CCZ1B: variants seen among roughly 807,000 people sequenced by gnomAD.
CCZ1B encodes the protein vacuolar fusion protein CCZ1 homolog B.
A neutral mutation model predicts 58.8 loss-of-function variants in CCZ1B; 25 were observed. That is an observed-to-expected ratio of 0.43 (90% CI 0.31 to 0.59). The LOEUF (loss-of-function observed/expected upper bound fraction) is 0.59. CCZ1B is among the 20% of genes least tolerant of loss of function. The pLI is 0.12. For synonymous variants in CCZ1B, 66 were observed against 173.2 expected, an observed-to-expected ratio of 0.38 and a Z score of 4.86; for missense variants, 180 against 501.5, an observed-to-expected ratio of 0.36 and a Z score of 6.12.
intron 7 of CCZ1B, among the ~76,000 whole-genome samples, chr7:6,818,886 T>C (rs1783062865): frequency 1.3e-5 from 2 of 148,600 alleles, no homozygotes; most frequent in African/African-American, 2.6e-5. Context: ...GGCAGTCTTG[T>C]GCCCACGTTG....
Position 6,824,467 on chromosome 7 carries a change from G to A in CCZ1B, c.300C>T (p.Phe100=). The A allele has an allele frequency of 6.2e-7, 1 of 1,605,728 alleles. No individual in the cohort carries two copies. The highest frequency in any genetic ancestry group is 1.1e-5 in the South Asian group (1 of 90,464). ...TGTGTGTAAATACCATGACCATCCA[G>A]AAATTTTCTTCTGGTTCATTGAAGA... is the stretch of plus-strand genomic sequence containing the variant. ...RQFFNEPEEN[F]WMVMVVRNPI... The change falls in exon 3 of 15, where the codon TTC becomes TTT. Residue 100 remains phenylalanine, a synonymous_variant. Coordinates refer to ENST00000316731, the MANE Select transcript of CCZ1B (RefSeq NM_198097.5).
chr7:6,819,123 G>GA (rs1173368085), intron 7 of CCZ1B, among the ~76,000 whole-genome samples: 3,419 of 65,526 alleles, frequency 0.052, 203 homozygotes, highest in African/African-American at 0.11. Flanking sequence ...ATCTCTATAA[G>GA]AAAAAAAAAA....
At chr7:6,819,240 CTTTTT>C (rs200393243) in intron 7 of CCZ1B, among the ~76,000 whole-genome samples, 1 of 133,154 alleles carries the variant, frequency 7.5e-6, no homozygotes, top group Non-Finnish European at 1.6e-5. Flanking sequence ...TAGGAACATT[CTTTTT>C]TTTTTTTTGG....
intron 6 of CCZ1B, among the ~76,000 whole-genome samples, chr7:6,821,569 G>A (rs148939857): frequency 1.3e-5 from 2 of 152,144 alleles, no homozygotes; most frequent in East Asian, 1.9e-4. Context: ...ATTTTCAGAA[G>A]AAAATAAATT....
intron 7 of CCZ1B, among the ~76,000 whole-genome samples, chr7:6,815,785 GA>G (rs1782990697): frequency 6.7e-6 from 1 of 148,934 alleles, no homozygotes; most frequent in Admixed American, 6.7e-5. Context: ...CAAGGGATTG[GA>G]CTCGCTGGTT....
intron 11 of CCZ1B, chr7:6,805,539 CA>C: frequency 8.3e-6 from 1 of 120,552 alleles, no homozygotes; most frequent in South Asian, 2.9e-4. Context: ...GTTAAGGAGA[CA>C]GGGGGGTCCC....
At chr7:6,812,577 TA>T (rs1782934041) in intron 9 of CCZ1B, 1 of 289,716 alleles carries the variant, frequency 3.5e-6, no homozygotes, top group Admixed American at 5.0e-5. Context: ...CTTTGTTGAT[TA>T]CTGTCAATCA....
chr7:6,817,686 C>G (rs2711246), intron 7 of CCZ1B, among the ~76,000 whole-genome samples: 1 of 147,688 alleles, frequency 6.8e-6, no homozygotes, highest in East Asian at 1.9e-4. Context: ...GTCAGTACAG[C>G]GTAAGGTTGC....
At chr7:6,815,490 A>T (rs1206123170) in intron 7 of CCZ1B, among the ~76,000 whole-genome samples, 1 of 147,890 alleles carries the variant, frequency 6.8e-6, no homozygotes, top group Non-Finnish European at 1.5e-5. Flanking sequence ...TCAAGAGATG[A>T]GTCTCGTCTG....
Position 6,804,277 on chromosome 7 carries a change from G to A in CCZ1B, c.1106+661C>T, listed in dbSNP as rs1183262000. On this transcript the variant is annotated intron_variant, in intron 12 of 14. Coordinates refer to ENST00000316731, the MANE Select transcript of CCZ1B (RefSeq NM_198097.5). Reference sequence around the variant, plus strand: ...GTCTCTACTAAAAATACAAAAAGGAGCCGGGCATGGTGGTGCACGCCTGTA... The same window carrying A: ...GTCTCTACTAAAAATACAAAAAGGAACCGGGCATGGTGGTGCACGCCTGTA... Among the ~76,000 whole-genome samples the A allele has an allele frequency of 8.9e-5, 11 of 123,006 alleles. 1 individual carries two copies. Among genetic ancestry groups the A allele is most frequent in the African/African-American group, 3.5e-4 (11 of 31,680 alleles). 80.7% of individuals were successfully genotyped at this position (123,006 alleles called of 152,430 possible).
chr7:6,821,474 A>C (rs1263132435), intron 6 of CCZ1B, among the ~76,000 whole-genome samples: 1 of 152,304 alleles, frequency 6.6e-6, no homozygotes, highest in Non-Finnish European at 1.5e-5. Flanking sequence ...ACAACAAAGA[A>C]AAGTAATTCA....
rs775188756 is a variant in CCZ1B, at chr7:6,822,262, T to C, written c.522+19A>G. 7.7e-6 allele frequency: 12 copies of C among 1,565,978 alleles called. No individual in the cohort carries two copies. The highest frequency in any genetic ancestry group is 8.6e-6 in the Non-Finnish European group (10 of 1,162,376). On this transcript the variant is annotated intron_variant, in intron 6 of 14. Coordinates refer to ENST00000316731, the MANE Select transcript of CCZ1B (RefSeq NM_198097.5). The stretch of plus-strand genomic sequence containing the variant: ...GATGAATGCTTAGTAAAGTTATAAA[T>C]GAAATTCAAAATACTTACCCGATGG...
At chr7:6,821,512 A>C (rs1320376288) in intron 6 of CCZ1B, among the ~76,000 whole-genome samples, 1 of 152,310 alleles carries the variant, frequency 6.6e-6, no homozygotes, top group African/African-American at 2.4e-5. Context: ...AAAAATAGCT[A>C]TGAAAGCTGT....
chr7:6,811,379 T>TC (rs945186836), intron 10 of CCZ1B, among the ~76,000 whole-genome samples: 34 of 137,614 alleles, frequency 2.5e-4, no homozygotes, highest in African/African-American at 9.2e-4. Context: ...TCCTTCCTGT[T>TC]CCCCCACGGC....
chr7:6,818,430 T>C (rs1783041604), intron 7 of CCZ1B, among the ~76,000 whole-genome samples: 1 of 149,090 alleles, frequency 6.7e-6, no homozygotes, highest in African/African-American at 2.5e-5. Context: ...ATGCCTGTAA[T>C]CCCAGCTACC....
At chr7:6,810,367 C>T (rs1192843571) in intron 10 of CCZ1B, among the ~76,000 whole-genome samples, 1 of 143,298 alleles carries the variant, frequency 7.0e-6, no homozygotes, top group Non-Finnish European at 1.5e-5. Context: ...GCAAAGAACT[C>T]TATGCTCAAA....
chr7:6,808,617 T>C (rs991994137), intron 10 of CCZ1B, among the ~76,000 whole-genome samples: 1 of 149,500 alleles, frequency 6.7e-6, no homozygotes, highest in African/African-American at 2.5e-5. Flanking sequence ...GTTTCTGTTA[T>C]GTGAGGGACA....
At chr7:6,818,863 G>A (rs969111058) in intron 7 of CCZ1B, among the ~76,000 whole-genome samples, 2 of 148,740 alleles carry the variant, frequency 1.3e-5, no homozygotes, top group East Asian at 1.9e-4. Context: ...GCTCTCAGGG[G>A]TCATATATGC....
chr7:6,822,935 G>A (rs1304232193), intron 5 of CCZ1B, among the ~76,000 whole-genome samples: 2 of 145,422 alleles, frequency 1.4e-5, no homozygotes, highest in Non-Finnish European at 3.0e-5. Flanking sequence ...TGAATTCCTG[G>A]GCTCAAGCAA....
Sources: gnomAD v4.1 joint callset for allele counts (sites outside exome capture counted in the v4.1 genomes callset) on GRCh38, gnomAD v4.1.1 for gene constraint, MANE v1.5 for transcripts, NCBI Gene and HGNC (gene_info 2026-07-23, HGNC 2026-07-21) for gene names.